Variants in AVEN observed in about 807,000 individuals in gnomAD.
AVEN encodes cell death regulator Aven.
AVEN carries 41 observed loss-of-function variants against 38.1 expected under a neutral mutation model. That is an observed-to-expected ratio of 1.08 (90% CI 0.84 to 1.40). AVEN has a LOEUF of 1.40. Among genes scored for constraint, AVEN ranks in the 40% most tolerant of loss-of-function variants. AVEN has a pLI of 0.00. For synonymous variants in AVEN, 206 were observed against 171.8 expected (o/e 1.20, Z -1.56); for missense variants, 605 against 438.8 (o/e 1.38, Z -3.38).
chr15:34,020,243 G>A (rs1459314582), intron 1 of AVEN, among the ~76,000 whole-genome samples: 4 of 151,890 alleles, frequency 2.6e-5, no homozygotes, highest in East Asian at 1.9e-4. Flanking sequence ...CCAGGGAGGC[G>A]GAGCTTGCAG....
At chr15:33,868,893 T>C (rs1890816761) in intron 4 of AVEN, among the ~76,000 whole-genome samples, 1 of 152,150 alleles carries the variant, frequency 6.6e-6, no homozygotes, top group South Asian at 2.1e-4. Flanking sequence ...TGTTATACTT[T>C]AATAAAAGTT....
At chr15:33,882,724 G>C (rs981059219) in intron 2 of AVEN, among the ~76,000 whole-genome samples, 1 of 151,788 alleles carries the variant, frequency 6.6e-6, no homozygotes, top group Non-Finnish European at 1.5e-5. Flanking sequence ...TAAAATAAAA[G>C]TACCCAGGTA....
intron 2 of AVEN, among the ~76,000 whole-genome samples, chr15:33,958,318 G>A (rs189839961): frequency 9.2e-5 from 14 of 152,096 alleles, no homozygotes; most frequent in Non-Finnish European, 1.3e-4. Flanking sequence ...TGTGGCTCAC[G>A]CCTGCAGTCC....
At position 34,039,161 on chromosome 15, in the gene AVEN, G is replaced by T; in HGVS notation, c.-115C>A. On this transcript the variant is annotated 5_prime_UTR_variant, in exon 1 of 6. The change creates a new upstream start codon in the 5' untranslated region. Coordinates refer to ENST00000306730, the MANE Select transcript of AVEN (RefSeq NM_020371.3). The stretch of plus-strand genomic sequence containing the variant: ...CGCGAGCGAAAGGCGCCCGGTAGCA[G>T]CGAGGCGCGGGGTGCGGGGCTAGGG... The T allele has an allele frequency of 1.1e-6, 1 of 904,030 alleles. No homozygotes were observed. The highest frequency in any genetic ancestry group is 1.3e-6 in the Non-Finnish European group (1 of 745,600). 56.0% of individuals were successfully genotyped at this position (904,030 alleles called of 1,614,324 possible). A position where few individuals can be genotyped will look rare whatever the true frequency, so the allele number is the denominator to read the frequency against.
chr15:34,001,991 TTA>T (rs1220490299), intron 2 of AVEN, among the ~76,000 whole-genome samples: 1 of 152,194 alleles, frequency 6.6e-6, no homozygotes, highest in Admixed American at 6.5e-5. Context: ...CTGGCAATAA[TTA>T]TTTAGCGACG....
downstream of AVEN, chr15:33,865,121 A>C (rs1890052198): frequency 3.7e-6 from 6 of 1,605,894 alleles, no homozygotes; most frequent in Non-Finnish European, 5.1e-6. Flanking sequence ...CGTTGTTCAT[A>C]TTATTTCAGG....
downstream of AVEN, chr15:33,856,004 C>G (rs937850100): frequency 6.6e-6 from 1 of 152,134 alleles, no homozygotes; most frequent in African/African-American, 2.4e-5. Context: ...TACAGTGTGC[C>G]AAGCTCATGC....
chr15:33,915,671 A>G (rs908933186), intron 2 of AVEN, among the ~76,000 whole-genome samples: 1 of 152,158 alleles, frequency 6.6e-6, no homozygotes, highest in East Asian at 1.9e-4. Flanking sequence ...CCTGGACAGA[A>G]CTCGGGAGAG....
chr15:34,064,450 T>G, intron 4 of AVEN: 4 of 1,130,934 alleles, frequency 3.5e-6, no homozygotes, highest in Non-Finnish European at 4.9e-6. Flanking sequence ...TTGTAAAGGC[T>G]CAAGTTTGGT....
chr15:33,949,586 G>C (rs1346496831), intron 2 of AVEN, among the ~76,000 whole-genome samples: 1 of 152,128 alleles, frequency 6.6e-6, no homozygotes, highest in East Asian at 1.9e-4. Context: ...GTGGGAAGGG[G>C]AAGTGACTGC....
chr15:33,938,546 G>A (rs1347334229), intron 2 of AVEN, among the ~76,000 whole-genome samples: 6 of 152,150 alleles, frequency 3.9e-5, no homozygotes, highest in Non-Finnish European at 1.5e-5. Flanking sequence ...GCCATTGACT[G>A]GGAGAAAAAT....
intron 2 of AVEN, among the ~76,000 whole-genome samples, chr15:33,892,801 A>G (rs1892043418): frequency 6.6e-6 from 1 of 151,982 alleles, no homozygotes; most frequent in South Asian, 2.1e-4. Flanking sequence ...TGAATCTATA[A>G]ATTACCTTGG....
chr15:33,914,640 T>C (rs1034674333), intron 2 of AVEN, among the ~76,000 whole-genome samples: 3 of 150,172 alleles, frequency 2.0e-5, no homozygotes, highest in Admixed American at 6.7e-5. Flanking sequence ...CTTGAATGCA[T>C]TGATACTGCT....
chr15:33,934,509 G>C (rs1893987389), intron 2 of AVEN, among the ~76,000 whole-genome samples: 2 of 152,168 alleles, frequency 1.3e-5, no homozygotes, highest in African/African-American at 4.8e-5. Flanking sequence ...TTTTTATTCT[G>C]ATCTATCTCA....
downstream of AVEN, among the ~76,000 whole-genome samples, chr15:33,862,709 C>T (rs1888805935): frequency 6.6e-6 from 1 of 150,468 alleles, no homozygotes; most frequent in African/African-American, 2.4e-5. Flanking sequence ...CTCCTGGATT[C>T]AAGTGATTCT....
At chr15:34,029,511 T>C (rs1292515261) in intron 1 of AVEN, among the ~76,000 whole-genome samples, 1 of 74,058 alleles carries the variant, frequency 1.4e-5, no homozygotes, top group Non-Finnish European at 3.2e-5. Context: ...GTAGACCCTA[T>C]TTCTACAAAA....
intron 2 of AVEN, among the ~76,000 whole-genome samples, chr15:33,988,893 C>T (rs1305298173): frequency 1.3e-5 from 2 of 152,166 alleles, no homozygotes; most frequent in Admixed American, 6.5e-5. Context: ...CCCTTGGATG[C>T]CCAGTTAACA....
chr15:33,944,617 G>A (rs1273295492), intron 2 of AVEN, among the ~76,000 whole-genome samples: 15 of 152,150 alleles, frequency 9.9e-5, no homozygotes. Context: ...AGACCATCCT[G>A]GCTAACATGG....
chr15:33,905,002 C>T (rs1411288250), intron 2 of AVEN, among the ~76,000 whole-genome samples: 1 of 151,450 alleles, frequency 6.6e-6, no homozygotes, highest in Admixed American at 6.6e-5. Flanking sequence ...TTGTGGCACA[C>T]GTCTGTAATC....
Sources: gnomAD v4.1 joint callset for allele counts (sites outside exome capture counted in the v4.1 genomes callset) on GRCh38, gnomAD v4.1.1 for gene constraint, MANE v1.5 for transcripts, NCBI Gene and HGNC (gene_info 2026-07-23, HGNC 2026-07-21) for gene names.